ABCC6: variants seen among roughly 807,000 people sequenced by gnomAD.
ABCC6 encodes the protein ATP binding cassette subfamily C member 6, also known as ATP-binding cassette sub-family C member 6.
A neutral mutation model predicts 169.5 loss-of-function variants in ABCC6; 126 were observed. That is an observed-to-expected ratio of 0.74 (90% CI 0.64 to 0.86). The LOEUF (loss-of-function observed/expected upper bound fraction) is 0.86, where lower values mean the gene tolerates loss of function less well. Ranked by LOEUF, ABCC6 falls within the 40% of genes least tolerant of loss-of-function variation. The pLI is 0.00. For synonymous variants in ABCC6, 752 were observed against 814.7 expected, an observed-to-expected ratio of 0.92 and a Z score of 1.31; for missense variants, 1,733 against 1,927.2, an observed-to-expected ratio of 0.90 and a Z score of 1.89.
At chr16:16,159,662 T>C (rs2046652201) in intron 25 of ABCC6, 79 bp from the exon 26 acceptor site, 1 of 1,347,128 alleles carries the variant, frequency 7.4e-7, no homozygotes, top group African/African-American at 1.4e-5. Context: ...TTTCCCAACC[T>C]TTTCTGGGAG....
chr16:16,203,138 A>T (rs928105149), intron 8 of ABCC6, among the ~76,000 whole-genome samples: 1 of 152,190 alleles, frequency 6.6e-6, no homozygotes, highest in Admixed American at 6.5e-5. Flanking sequence ...AAATAAAAGA[A>T]TGTTTGTCAT....
chr16:16,201,656 T>C (rs905979023), intron 9 of ABCC6, among the ~76,000 whole-genome samples: 18 of 152,200 alleles, frequency 1.2e-4, no homozygotes, highest in African/African-American at 4.1e-4. Flanking sequence ...GGCAAAACCT[T>C]GTCTCTACCA....
chr16:16,185,155 T>A, intron 14 of ABCC6, 121 bp from the exon 15 acceptor site: 1 of 927,230 alleles, frequency 1.1e-6, no homozygotes, highest in Non-Finnish European at 1.7e-6. Flanking sequence ...AAGAAATCTC[T>A]CCCACTGAAC....
intron 26 of ABCC6, among the ~76,000 whole-genome samples, chr16:16,158,569 CTG>C (rs1198202590): frequency 1.3e-5 from 2 of 152,202 alleles, no homozygotes; most frequent in African/African-American, 4.8e-5. Context: ...CTTCCTTGTT[CTG>C]TTACTGTAAT....
At position 16,164,126 on chromosome 16, in the gene ABCC6, C is replaced by T. The variant is rs112102030; in HGVS notation, c.3307-934G>A. Among the ~76,000 whole-genome samples the T allele has an allele frequency of 1.0e-3, 153 of 152,158 alleles. 2 individuals carry two copies. The highest frequency in any genetic ancestry group is 8.0e-4 in the African/African-American group (33 of 41,502). On this transcript the variant is annotated intron_variant, in intron 23 of 30. Transcript: ENST00000205557. ...TCAGCTCGCTGCAACCTCTGCCTCCCGGGCTCAAGCAATCCTCCCGCCTCA... is the reference window on the plus strand; with the variant it reads ...TCAGCTCGCTGCAACCTCTGCCTCCTGGGCTCAAGCAATCCTCCCGCCTCA...
At chr16:16,216,279 G>C (rs868014068) in intron 4 of ABCC6, among the ~76,000 whole-genome samples, 2 of 151,772 alleles carry the variant, frequency 1.3e-5, no homozygotes, top group Non-Finnish European at 2.9e-5. Context: ...TCACCCTGTT[G>C]TGCTATCAAA....
chr16:16,168,541 T>A (rs746573137), intron 22 of ABCC6, among the ~76,000 whole-genome samples: 1 of 152,014 alleles, frequency 6.6e-6, no homozygotes, highest in Non-Finnish European at 1.5e-5. Flanking sequence ...GCACTCCTGT[T>A]ACTCCCTTCA....
intron 9 of ABCC6, among the ~76,000 whole-genome samples, chr16:16,199,408 C>A (rs1279313415): frequency 7.7e-6 from 1 of 129,896 alleles, no homozygotes; most frequent in African/African-American, 2.6e-5. Flanking sequence ...AGCTCCTACA[C>A]AAGGAATGGA....
At chr16:16,187,739 A>T (rs529819086) in intron 13 of ABCC6, among the ~76,000 whole-genome samples, 27 of 152,078 alleles carry the variant, frequency 1.8e-4, no homozygotes, top group African/African-American at 5.8e-4. Flanking sequence ...ACAAAAAATT[A>T]AAAAAATTAG....
At chr16:16,152,848 T>A (rs2046429159) in intron 29 of ABCC6, among the ~76,000 whole-genome samples, 1 of 151,984 alleles carries the variant, frequency 6.6e-6, no homozygotes, top group African/African-American at 2.4e-5. Flanking sequence ...CACAAGCCCT[T>A]CGGACACCCT....
rs377535769 is a variant in ABCC6 at position 16,158,743 on chromosome 16, G to A, written c.3735+739C>T. On this transcript the variant is annotated intron_variant, in intron 26 of 30. Transcript: ENST00000205557. ...TTTCTTACTGTTACATTGCCATGTT[G>A]CTATTCCGTTACTATAATTTCAGTT... is the stretch of plus-strand genomic sequence containing the variant. Among the ~76,000 whole-genome samples, 122 of 152,086 alleles carry A rather than the reference G, an allele frequency of 8.0e-4. 3 individuals are homozygous for A. Among genetic ancestry groups the A allele is most frequent in the African/African-American group, 2.8e-3 (117 of 41,474 alleles).
chr16:16,177,587 G>T lies in ABCC6; in HGVS notation c.2455C>A (p.Gln819Lys). Residue 819 changes from glutamine to lysine, a missense_variant, in exon 19 of 31, where the codon CAG becomes AAG. Gln to Lys is a moderately conservative substitution (Grantham distance 53). Transcript: ENST00000205557. The part of the protein sequence containing the change: ...LVTHALHILP[Q>K]ADWIIVLANG... ...GCCAGCACTATGATCCAATCAGCCT[G>T]GGGCAGGATGTGGAGTGCGTGCGTC... 2 of 1,614,226 alleles carry T rather than the reference G, an allele frequency of 1.2e-6. No homozygotes were observed. The highest frequency in any genetic ancestry group is 1.7e-6 in the Non-Finnish European group (2 of 1,180,040).
At chr16:16,211,886 C>T (rs1271558134) in intron 6 of ABCC6, among the ~76,000 whole-genome samples, 5 of 151,556 alleles carry the variant, frequency 3.3e-5, no homozygotes, top group Non-Finnish European at 7.4e-5. Context: ...AAGCACTTTC[C>T]GTCTCATGCA....
At chr16:16,152,508 A>G (rs558244743) in intron 29 of ABCC6, among the ~76,000 whole-genome samples, 2 of 152,026 alleles carry the variant, frequency 1.3e-5, no homozygotes, top group African/African-American at 4.8e-5. Context: ...TCCAATTCCA[A>G]CTCTGTGAAA....
intron 23 of ABCC6, among the ~76,000 whole-genome samples, chr16:16,165,277 G>A (rs773658457): frequency 6.6e-6 from 1 of 152,196 alleles, no homozygotes; most frequent in Non-Finnish European, 1.5e-5. Flanking sequence ...AGCCAGTCAT[G>A]GTGGCACGTG....
intron 10 of ABCC6, among the ~76,000 whole-genome samples, chr16:16,194,477 G>A (rs1391569540): frequency 6.6e-6 from 1 of 152,160 alleles, no homozygotes; most frequent in Admixed American, 6.5e-5. Context: ...GGTGATTTTG[G>A]GATGGTTATC....
chr16:16,181,235 C>T (rs749720304), intron 17 of ABCC6, among the ~76,000 whole-genome samples: 1 of 150,744 alleles, frequency 6.6e-6, no homozygotes, highest in Non-Finnish European at 1.5e-5. Flanking sequence ...TTGAACTACT[C>T]ATGAGGCTGA....
rs893859633 is a variant in ABCC6 at position 16,182,555 on chromosome 16, C to T, written c.2104G>A (p.Val702Met). The change falls in exon 17 of 31, where the codon GTG becomes ATG. Residue 702 changes from valine (V) to methionine (M), a missense_variant. By Grantham distance (21) the Val-to-Met change is conservative. Transcript: ENST00000205557. Reference sequence around the variant, plus strand: ...TTCTCTACCACAGAGGTGTTCTGCACCCAGGCCTCCTGGGGCACGTAGGCC... The same window carrying T: ...TTCTCTACCACAGAGGTGTTCTGCATCCAGGCCTCCTGGGGCACGTAGGCC... ...AVAYVPQEAW[V>M]QNTSVVENVC... 37 of 1,613,210 alleles carry T rather than the reference C, an allele frequency of 2.3e-5. No individual in the cohort carries two copies. Among genetic ancestry groups the T allele is most frequent in the Non-Finnish European group, 2.9e-5 (34 of 1,179,356 alleles).
At chr16:16,155,284 T>C in intron 27 of ABCC6, 1 of 584,432 alleles carries the variant, frequency 1.7e-6, no homozygotes, top group East Asian at 2.8e-5. Flanking sequence ...ACCCTTCCTT[T>C]AGTTCCTCCA....
Sources: gnomAD v4.1 joint callset for allele counts (sites outside exome capture counted in the v4.1 genomes callset) on GRCh38, gnomAD v4.1.1 for gene constraint, MANE v1.5 for transcripts, NCBI Gene and HGNC (gene_info 2026-07-23, HGNC 2026-07-21) for gene names.